TMEM45B: variants seen among roughly 807,000 people sequenced by gnomAD.
TMEM45B encodes transmembrane protein 45B.
A neutral mutation model predicts 27.3 loss-of-function variants in TMEM45B; 29 were observed. The ratio of observed to expected loss-of-function variants is 1.06; its 90% CI spans 0.79 to 1.45. TMEM45B has a LOEUF of 1.45. TMEM45B is among the 40% of genes most tolerant of loss of function. The pLI, the probability that TMEM45B is intolerant of heterozygous loss-of-function variation, is 0.00. For synonymous variants in TMEM45B, 143 were observed against 134.7 expected (o/e 1.06, Z -0.43); for missense variants, 348 against 343.9 (o/e 1.01, Z -0.09).
intron 1 of TMEM45B, among the ~76,000 whole-genome samples, chr11:129,839,123 A>G (rs77488570): frequency 0.012 from 1,838 of 152,260 alleles, 31 homozygotes; most frequent in African/African-American, 0.042. Flanking sequence ...TGAGAGAGCG[A>G]GAGAAGGAAG....
chr11:129,838,256 A>G (rs1947648662), intron 1 of TMEM45B, among the ~76,000 whole-genome samples: 1 of 152,160 alleles, frequency 6.6e-6, no homozygotes. Flanking sequence ...ACTCCGGGCC[A>G]CAAGAGGCTT....
At chr11:129,858,059 A>G (rs1187459608) in intron 5 of TMEM45B, among the ~76,000 whole-genome samples, 1 of 152,200 alleles carries the variant, frequency 6.6e-6, no homozygotes, top group East Asian at 1.9e-4. Flanking sequence ...CAAGGCTTCA[A>G]AAAGCTGAGT....
At position 129,846,445 on chromosome 11, in the gene TMEM45B, G is replaced by A. The variant is rs1039367654; in HGVS notation, c.-8-6030G>A. On this transcript the variant is annotated intron_variant, in intron 1 of 5. Transcript: ENST00000281441. Reference sequence around the variant, plus strand: ...CATGCCACTGCACTCCAGCCTGGGCGACAGAGCAAGACTCTTTCTCAAAAA... The same window carrying A: ...CATGCCACTGCACTCCAGCCTGGGCAACAGAGCAAGACTCTTTCTCAAAAA... Among the ~76,000 whole-genome samples, 6 of 148,842 alleles carry A rather than the reference G, an allele frequency of 4.0e-5. No homozygotes were observed. In the Admixed American group the frequency reaches 4.1e-4, roughly 10 times the overall value.
chr11:129,820,363 G>T (rs1324636729), intron 1 of TMEM45B, among the ~76,000 whole-genome samples: 3 of 152,122 alleles, frequency 2.0e-5, no homozygotes, highest in Admixed American at 6.6e-5. Context: ...TAATAAGGCG[G>T]GGGGAGAATG....
Position 129,855,746 on chromosome 11 carries a change from C to T in TMEM45B, c.424C>T (p.Leu142=), listed in dbSNP as rs758705233. Residue 142 remains leucine (L), a synonymous_variant, in exon 4 of 6, where the codon CTG becomes TTG. Coordinates refer to ENST00000281441, the MANE Select transcript of TMEM45B (RefSeq NM_138788.5). ...CTACCACGTCCACAACCGGCCTCCGCTGGACCAGCACATCCACTCACTCCT... is the reference window on the plus strand; with the variant it reads ...CTACCACGTCCACAACCGGCCTCCGTTGGACCAGCACATCCACTCACTCCT... ...FYYHVHNRPP[L]DQHIHSLLLY... is the part of the protein sequence containing the mutation. 9 of 1,614,076 alleles carry T rather than the reference C, an allele frequency of 5.6e-6. No homozygotes were observed. The East Asian group carries it at 2.0e-4, about 36-fold the overall frequency.
intron 4 of TMEM45B, among the ~76,000 whole-genome samples, chr11:129,856,119 G>A (rs765181603): frequency 6.6e-6 from 1 of 152,142 alleles, no homozygotes; most frequent in Non-Finnish European, 1.5e-5. Flanking sequence ...AAGCATGCAC[G>A]GTGACGTTCA....
chr11:129,826,759 A>G (rs368127335), intron 1 of TMEM45B, among the ~76,000 whole-genome samples: 22 of 149,980 alleles, frequency 1.5e-4, no homozygotes, highest in South Asian at 1.3e-3. Context: ...CCAGGCTGGA[A>G]TGCAGTGGCG....
chr11:129,856,015 G>A, intron 4 of TMEM45B, 123 bp downstream of exon 4: 1 of 1,179,190 alleles, frequency 8.5e-7, no homozygotes, highest in African/African-American at 1.5e-5. Flanking sequence ...GCCATGCAAA[G>A]GGGTTTAGAT....
chr11:129,817,160 C>T (rs1264785458), intron 1 of TMEM45B, among the ~76,000 whole-genome samples: 1 of 152,146 alleles, frequency 6.6e-6, no homozygotes. Flanking sequence ...ACAGGCCTGC[C>T]TACAGCATTT....
rs78733006 is a variant in TMEM45B, at chr11:129,857,360, G to A, written c.618G>A (p.Gln206=). The A allele has an allele frequency of 0.052, 83,902 of 1,614,110 alleles. 2,836 individuals carry two copies. The highest frequency in any genetic ancestry group is 0.13 in the South Asian group (12,118 of 91,054). ...FPPFGTPEWD[Q]KDDANLMFIT... ...CTTTTGGAACACCCGAATGGGACCA[G>A]AAGGATGATGCCAACCTCATGTTCA... The change falls in exon 5 of 6, where the codon CAG becomes CAA. Residue 206 remains glutamine, a synonymous_variant. Transcript: ENST00000281441.
intron 3 of TMEM45B, 35 bp from the exon 4 acceptor site, chr11:129,855,673 C>T (rs374955361): frequency 2.7e-5 from 44 of 1,611,728 alleles, no homozygotes; most frequent in African/African-American, 4.0e-5. Flanking sequence ...GAAAGCCAAG[C>T]GTAGCCCTGA....
chr11:129,824,779 A>G (rs554225374), intron 1 of TMEM45B, among the ~76,000 whole-genome samples: 2 of 152,256 alleles, frequency 1.3e-5, no homozygotes, highest in Non-Finnish European at 2.9e-5. Context: ...GTGATAAAAA[A>G]TCATGGTATG....
rs570842244 is a variant in TMEM45B at position 129,819,974 on chromosome 11, A to G, written c.-9+4076A>G. 5.3e-5 allele frequency among the ~76,000 whole-genome samples: 8 copies of G among 152,320 alleles called. No homozygotes were observed. In the East Asian group the frequency reaches 9.6e-4, roughly 18 times the overall value. ...ACACACTGTTAACGGTGACGGAACC[A>G]GAGAGAATCTAGTGTTTGAGACAGA... On this transcript the variant is annotated intron_variant, in intron 1 of 5. Transcript: ENST00000281441.
chr11:129,845,316 T>A, intron 1 of TMEM45B, among the ~76,000 whole-genome samples: 1 of 136,504 alleles, frequency 7.3e-6, no homozygotes, highest in African/African-American at 3.0e-5. Flanking sequence ...AAGGAAGGGG[T>A]AGGAAATAGA....
At chr11:129,857,932 G>A (rs1472154432) in intron 5 of TMEM45B, among the ~76,000 whole-genome samples, 1 of 152,154 alleles carries the variant, frequency 6.6e-6, no homozygotes, top group Non-Finnish European at 1.5e-5. Flanking sequence ...AACAGCTATG[G>A]ACTCCTATGC....
intron 1 of TMEM45B, among the ~76,000 whole-genome samples, chr11:129,816,181 T>C (rs929928415): frequency 1.6e-4 from 25 of 152,146 alleles, no homozygotes; most frequent in African/African-American, 6.0e-4. Context: ...CGAGTGCCTC[T>C]GTCCGGCTGG....
rs926897084 is a variant in TMEM45B at position 129,858,184 on chromosome 11, C to G, written c.717-390C>G. Among the ~76,000 whole-genome samples the G allele has an allele frequency of 2.6e-5, 4 of 152,168 alleles. No individual in the cohort carries two copies. In the South Asian group the frequency reaches 8.3e-4, roughly 32 times the overall value. On this transcript the variant is annotated intron_variant, in intron 5 of 5. Coordinates refer to ENST00000281441, the MANE Select transcript of TMEM45B (RefSeq NM_138788.5). ...TGTTCGGCTGCCTCTACCTTTTCTT[C>G]TAGGTCATTTCTCTAGATCCCAAGC... is the stretch of plus-strand genomic sequence containing the variant.
intron 1 of TMEM45B, among the ~76,000 whole-genome samples, chr11:129,816,727 C>T (rs1334817170): frequency 8.6e-5 from 12 of 140,080 alleles, no homozygotes; most frequent in Non-Finnish European, 1.7e-4. Context: ...CAGAAATGGC[C>T]ACTTCTTTTT....
At chr11:129,845,337 A>ATG (rs10628378) in intron 1 of TMEM45B, among the ~76,000 whole-genome samples, 28,320 of 121,212 alleles carry the variant, frequency 0.23, 4,005 homozygotes, top group East Asian at 0.31. Flanking sequence ...GCTATTATAG[A>ATG]TGTGTGTGTG....
Sources: gnomAD v4.1 joint callset for allele counts (sites outside exome capture counted in the v4.1 genomes callset) on GRCh38, gnomAD v4.1.1 for gene constraint, MANE v1.5 for transcripts, NCBI Gene and HGNC (gene_info 2026-07-23, HGNC 2026-07-21) for gene names.